The following HIPK2 variants were observed in gnomAD, a reference collection of about 807,000 sequenced individuals.
HIPK2 encodes homeodomain-interacting protein kinase 2.
HIPK2 carries 27 observed loss-of-function variants against 113.7 expected under a neutral mutation model. That is an observed-to-expected ratio of 0.24 (90% CI 0.17 to 0.33). HIPK2 has a LOEUF of 0.33. Ranked by LOEUF, HIPK2 falls within the 10% of genes least tolerant of loss-of-function variation. HIPK2 has a pLI of 1.00. For missense variants in HIPK2, 1,257 were observed against 1,588.0 expected (o/e 0.79, Z 3.54); for synonymous variants, 631 against 642.2 (o/e 0.98, Z 0.26).
chr7:139,774,596 T>C (rs1001582594), intron 1 of HIPK2, among the ~76,000 whole-genome samples: 7 of 152,232 alleles, frequency 4.6e-5, no homozygotes, highest in Non-Finnish European at 8.8e-5. Flanking sequence ...CATCTGATGA[T>C]GAATTGCAGC....
chr7:139,685,641 T>G (rs1468506376), intron 2 of HIPK2, among the ~76,000 whole-genome samples: 3 of 152,240 alleles, frequency 2.0e-5, no homozygotes, highest in Non-Finnish European at 4.4e-5. Context: ...TCATTTACCA[T>G]TCTGAAAATC....
intron 2 of HIPK2, among the ~76,000 whole-genome samples, chr7:139,641,531 G>C (rs1801021901): frequency 6.6e-6 from 1 of 152,160 alleles, no homozygotes; most frequent in Non-Finnish European, 1.5e-5. Context: ...AGACAGCCAT[G>C]CGCTTGGGCT....
chr7:139,643,711 G>T (rs1366349427), intron 2 of HIPK2, among the ~76,000 whole-genome samples: 1 of 152,138 alleles, frequency 6.6e-6, no homozygotes, highest in Non-Finnish European at 1.5e-5. Flanking sequence ...AATAAGAAAA[G>T]CAAGAAGGGA....
intron 2 of HIPK2, among the ~76,000 whole-genome samples, chr7:139,700,478 G>A (rs966954071): frequency 2.0e-5 from 3 of 152,122 alleles, no homozygotes; most frequent in Non-Finnish European, 2.9e-5. Context: ...CATCAGCAAC[G>A]ACCTGCTTCA....
chr7:139,647,407 T>C (rs544503716), intron 2 of HIPK2, among the ~76,000 whole-genome samples: 5 of 152,306 alleles, frequency 3.3e-5, no homozygotes, highest in African/African-American at 9.6e-5. Flanking sequence ...GAGTAGCTGA[T>C]TGTGTGAAGA....
chr7:139,587,914 G>T (rs114609120), intron 12 of HIPK2, among the ~76,000 whole-genome samples: 1 of 152,042 alleles, frequency 6.6e-6, no homozygotes, highest in Non-Finnish European at 1.5e-5. Context: ...AGTTAGGTAC[G>T]GTGGCTGACA....
intron 11 of HIPK2, 54 bp downstream of exon 11, chr7:139,600,363 T>A (rs574435136): frequency 6.4e-7 from 1 of 1,573,996 alleles, no homozygotes; most frequent in African/African-American, 1.3e-5. Context: ...TACATTTCTT[T>A]AGCACTCACA....
chr7:139,591,385 C>A (rs1466248453), intron 12 of HIPK2, among the ~76,000 whole-genome samples: 1 of 152,192 alleles, frequency 6.6e-6, no homozygotes, highest in South Asian at 2.1e-4. Flanking sequence ...TCTCTCTCTT[C>A]CCAACTGGCC....
chr7:139,741,785 T>C (rs1796104142), intron 1 of HIPK2, among the ~76,000 whole-genome samples: 1 of 152,256 alleles, frequency 6.6e-6, no homozygotes, highest in African/African-American at 2.4e-5. Flanking sequence ...TCACCACCAT[T>C]CACGTTTTGT....
chr7:139,633,769 AC>A (rs1800705288), intron 2 of HIPK2, among the ~76,000 whole-genome samples: 1 of 151,738 alleles, frequency 6.6e-6, no homozygotes. Context: ...ACATGGTGAA[AC>A]CCTGTCTCTA....
chr7:139,679,551 T>G (rs1009052686), intron 2 of HIPK2, among the ~76,000 whole-genome samples: 2 of 152,220 alleles, frequency 1.3e-5, no homozygotes, highest in African/African-American at 4.8e-5. Context: ...CTTTACATGG[T>G]GCACTGCTGG....
In HIPK2 at chr7:139,628,990, C is replaced by G; in HGVS notation, c.1397G>C (p.Arg466Thr). The change falls in exon 5 of 15, where the codon AGA becomes ACA. Residue 466 changes from arginine to threonine, a missense_variant. Physicochemically the swap from Arg to Thr is moderately conservative, Grantham distance 71 (BLOSUM62 -1). Around this residue, in one of 5 missense-constraint regions of HIPK2, gnomAD observed 862 missense variants for 1,004.3 expected, o/e 0.86. Coordinates refer to ENST00000406875, the MANE Select transcript of HIPK2 (RefSeq NM_022740.5). The part of the protein sequence containing the change: ...AETGIKSKEA[R>T]KYIFNCLDDM... ...ATCTAAACAGTTGAAAATGTACTTT[C>G]TTGCTTCTTTTGACTTAATCCCTGT... 6.3e-7 allele frequency: 1 copy of G among 1,596,656 alleles called. No homozygotes were observed. Among genetic ancestry groups the G allele is most frequent in the South Asian group, 1.1e-5 (1 of 88,124 alleles).
chr7:139,761,426 C>G (rs1365558359), intron 1 of HIPK2, among the ~76,000 whole-genome samples: 1 of 152,216 alleles, frequency 6.6e-6, no homozygotes, highest in South Asian at 2.1e-4. Context: ...ATCTCAGCAT[C>G]CCCAGTAGTG....
intron 1 of HIPK2, among the ~76,000 whole-genome samples, chr7:139,747,346 G>C (rs969763474): frequency 6.6e-6 from 1 of 152,168 alleles, no homozygotes; most frequent in Non-Finnish European, 1.5e-5. Flanking sequence ...GGAGAAGGTG[G>C]TCTGCATCTG....
At chr7:139,655,305 T>C (rs936879338) in intron 2 of HIPK2, among the ~76,000 whole-genome samples, 1 of 152,244 alleles carries the variant, frequency 6.6e-6, no homozygotes, top group Non-Finnish European at 1.5e-5. Context: ...AAGCTAGTTA[T>C]GATAAACAAA....
In HIPK2 at chr7:139,562,241, C is replaced by T. The variant is rs74544392; in HGVS notation, c.*10686G>A. The T allele has an allele frequency of 0.051, 7,699 of 152,218 alleles. 278 individuals are homozygous for T. The highest frequency in any genetic ancestry group is 0.17 in the South Asian group (834 of 4,818). The allele number at this position is 152,218 out of a possible 1,614,324, so 9.4% of individuals were successfully genotyped here. On this transcript the variant is annotated 3_prime_UTR_variant, in exon 15 of 15. Transcript: ENST00000406875. ...GATTAACACTTTTTATTACAGAAAC[C>T]GTACGGTGAAGGAACACAACAGACC...
intron 1 of HIPK2, among the ~76,000 whole-genome samples, chr7:139,735,925 C>T (rs921299238): frequency 6.6e-6 from 1 of 152,180 alleles, no homozygotes; most frequent in Admixed American, 6.5e-5. Flanking sequence ...CCAAACCCAT[C>T]TAAGGGAACA....
chr7:139,597,335 A>G (rs150706148), intron 11 of HIPK2, among the ~76,000 whole-genome samples: 2 of 152,230 alleles, frequency 1.3e-5, no homozygotes, highest in African/African-American at 4.8e-5. Context: ...GTTTGCCCCA[A>G]CACACCCCCT....
intron 1 of HIPK2, among the ~76,000 whole-genome samples, chr7:139,719,591 C>T (rs1025472097): frequency 4.6e-5 from 7 of 152,336 alleles, no homozygotes; most frequent in African/African-American, 1.4e-4. Context: ...GTCAAAGATG[C>T]GCTTCCAAAG....
Sources: allele counts gnomAD v4.1 joint callset (sites outside exome capture counted in the v4.1 genomes callset), GRCh38; gene constraint gnomAD v4.1.1; regional missense constraint gnomAD v4.1.1; transcripts MANE v1.5; gene names NCBI Gene and HGNC (gene_info 2026-07-23, HGNC 2026-07-21).